The following GALNT2 variants were observed in gnomAD, a reference collection of about 807,000 sequenced individuals.
The protein encoded by GALNT2 is polypeptide N-acetylgalactosaminyltransferase 2.
Under a neutral mutation model 81.4 loss-of-function variants are expected in GALNT2, and 31 were observed. The ratio of observed to expected loss-of-function variants is 0.38; its 90% CI spans 0.29 to 0.51. The LOEUF (loss-of-function observed/expected upper bound fraction) is 0.51, where lower values mean the gene tolerates loss of function less well. GALNT2 is among the 20% of genes least tolerant of loss of function. The probability of loss-of-function intolerance (pLI) is 0.87; values close to 1 mark genes in which losing one functional copy is unlikely to be tolerated. For synonymous variants in GALNT2, 303 were observed against 287.4 expected, an observed-to-expected ratio of 1.05 and a Z score of -0.55; for missense variants, 629 against 765.7, an observed-to-expected ratio of 0.82 and a Z score of 2.11.
At chr1:230,236,485 T>G in intron 5 of GALNT2, 65 bp downstream of exon 5, 2 of 1,544,674 alleles carry the variant, frequency 1.3e-6, no homozygotes, top group African/African-American at 2.7e-5. Flanking sequence ...CTTCCTGTAG[T>G]GGGGGTGCTA....
chr1:230,126,347 G>T (rs549220772), intron 1 of GALNT2, among the ~76,000 whole-genome samples: 2 of 152,330 alleles, frequency 1.3e-5, no homozygotes, highest in African/African-American at 4.8e-5. Flanking sequence ...AGCTGAGAGA[G>T]GGCAGCCATG....
chr1:230,118,334 G>A (rs887686465), intron 1 of GALNT2, among the ~76,000 whole-genome samples: 1 of 152,226 alleles, frequency 6.6e-6, no homozygotes, highest in African/African-American at 2.4e-5. Context: ...TTTTTGTGTG[G>A]ACATAAGTTT....
chr1:230,196,971 T>A (rs1663714820), intron 2 of GALNT2, among the ~76,000 whole-genome samples: 1 of 152,092 alleles, frequency 6.6e-6, no homozygotes, highest in Admixed American at 6.5e-5. Flanking sequence ...ACCTAACTGA[T>A]CATGATATGG....
chr1:230,078,548 C>G (rs1659634376), intron 1 of GALNT2, among the ~76,000 whole-genome samples: 1 of 152,202 alleles, frequency 6.6e-6, no homozygotes, highest in Admixed American at 6.5e-5. Context: ...CACAGTGATT[C>G]TTTTCATAGG....
chr1:230,112,808 A>T (rs1181423054), intron 1 of GALNT2, among the ~76,000 whole-genome samples: 1 of 147,376 alleles, frequency 6.8e-6, no homozygotes, highest in Non-Finnish European at 1.5e-5. Context: ...GGTGGGGGGG[A>T]CCAGGCCTGG....
chr1:230,196,075 C>T (rs1351226921), intron 2 of GALNT2, among the ~76,000 whole-genome samples: 6 of 152,244 alleles, frequency 3.9e-5, no homozygotes, highest in African/African-American at 1.4e-4. Context: ...CACTCATTTA[C>T]TCCAAATATC....
chr1:230,106,449 C>T (rs764875626), intron 1 of GALNT2, among the ~76,000 whole-genome samples: 1 of 152,130 alleles, frequency 6.6e-6, no homozygotes. Flanking sequence ...GCCCACTGAC[C>T]CGGAAACCCA....
At chr1:230,239,769 T>C (rs2102738730) in intron 6 of GALNT2, among the ~76,000 whole-genome samples, 1 of 152,356 alleles carries the variant, frequency 6.6e-6, no homozygotes, top group South Asian at 2.1e-4. Flanking sequence ...TGCCTTCTTT[T>C]GGATTCAGTG....
At chr1:230,091,549 CA>C (rs1558279934) in intron 1 of GALNT2, 1 of 152,118 alleles carries the variant, frequency 6.6e-6, no homozygotes, top group Admixed American at 6.5e-5. Context: ...ATTGATTTTT[CA>C]AAAATCCCAA....
At chr1:230,148,949 C>T (rs935265536) in intron 1 of GALNT2, among the ~76,000 whole-genome samples, 2 of 152,054 alleles carry the variant, frequency 1.3e-5, no homozygotes, top group African/African-American at 4.8e-5. Context: ...GGAGTGATCA[C>T]AGCTCATTGC....
At position 230,281,746 on chromosome 1, in the gene GALNT2, T is replaced by G. The variant is rs1666453825; in HGVS notation, c.*2288T>G. 6.6e-6 allele frequency: 1 copy of G among 152,618 alleles called. No individual in the cohort carries two copies. 9.5% of individuals were successfully genotyped at this position (152,618 alleles called of 1,614,324 possible). On this transcript the variant is annotated 3_prime_UTR_variant, in exon 16 of 16. Transcript: ENST00000366672. ...GCAGGGGTGGGCCGGGGAGGGGTCC[T>G]TTGCGGTGAGCTATGTTTACATGAC... is the stretch of plus-strand genomic sequence containing the variant.
In GALNT2 at chr1:230,271,562, C is replaced by A. The variant is rs991664135; in HGVS notation, c.1441-2883C>A. ...GATGCCAGTCACAAGTCCAAGTTGT[C>A]ACCTGCTGTCTGACTGTAAATCAGG... On this transcript the variant is annotated intron_variant, in intron 14 of 15. Coordinates refer to ENST00000366672, the MANE Select transcript of GALNT2 (RefSeq NM_004481.5). This position sits in a 1 kb window ranked among gnomAD's most constrained non-coding sequence, Gnocchi z 4.2. 2.6e-5 allele frequency among the ~76,000 whole-genome samples: 4 copies of A among 152,240 alleles called. No individual in the cohort carries two copies. The highest frequency in any genetic ancestry group is 5.9e-5 in the Non-Finnish European group (4 of 68,042).
chr1:230,211,261 C>T (rs982959361), intron 3 of GALNT2, among the ~76,000 whole-genome samples: 1 of 152,302 alleles, frequency 6.6e-6, no homozygotes, highest in African/African-American at 2.4e-5. Context: ...ACTCTGTATG[C>T]CGCACCACAG....
Position 230,275,707 on chromosome 1 carries a change from ACAC to A in GALNT2, c.1560+1147_1560+1149del, listed in dbSNP as rs201078328. 0.077 allele frequency among the ~76,000 whole-genome samples: 8,786 copies of A among 113,632 alleles called. 273 individuals carry two copies. The highest frequency in any genetic ancestry group is 0.12 in the Middle Eastern group (24 of 206). The allele number at this position is 113,632 out of a possible 152,430, so 74.5% of individuals were successfully genotyped here. A position where few individuals can be genotyped will look rare whatever the true frequency, so the allele number is the denominator to read the frequency against. On this transcript the variant is annotated intron_variant, in intron 15 of 15. Coordinates refer to ENST00000366672, the MANE Select transcript of GALNT2 (RefSeq NM_004481.5). The surrounding 1 kb of genome is among the most constrained non-coding windows in gnomAD (Gnocchi z 5.5). The stretch of plus-strand genomic sequence containing the variant: ...ATATGTAAACACCACATATATATAC[ACAC>A]CACATATACACACCACATATATATA...
At chr1:230,131,125 T>G (rs987197248) in intron 1 of GALNT2, among the ~76,000 whole-genome samples, 20 of 147,576 alleles carry the variant, frequency 1.4e-4, no homozygotes, top group African/African-American at 4.2e-4. Flanking sequence ...AAAACGTTTG[T>G]TTTTTTTTTA....
chr1:230,224,635 A>G (rs1034765008), intron 3 of GALNT2, among the ~76,000 whole-genome samples: 6 of 152,246 alleles, frequency 3.9e-5, no homozygotes, highest in African/African-American at 1.4e-4. Context: ...CTTCTGTTGG[A>G]GAATACTCAC....
Position 230,193,990 on chromosome 1 carries a change from C to G in GALNT2, c.221-9147C>G, listed in dbSNP as rs1300903406. Among the ~76,000 whole-genome samples the G allele has an allele frequency of 1.3e-5, 2 of 152,224 alleles. No homozygotes were observed. The highest frequency in any genetic ancestry group is 4.8e-5 in the African/African-American group (2 of 41,448). ...CCAGCCACTCTCTGCTCAAGGGACA[C>G]TGTCCTGCTCTCCAGCCTCGATAAG... is the stretch of plus-strand genomic sequence containing the variant. On this transcript the variant is annotated intron_variant, in intron 2 of 15. Coordinates refer to ENST00000366672, the MANE Select transcript of GALNT2 (RefSeq NM_004481.5). The surrounding 1 kb of genome is among the most constrained non-coding windows in gnomAD (Gnocchi z 4.3).
intron 1 of GALNT2, among the ~76,000 whole-genome samples, chr1:230,085,989 C>T (rs2102759727): frequency 6.6e-6 from 1 of 152,304 alleles, no homozygotes; most frequent in South Asian, 2.1e-4. Flanking sequence ...TCTATCAGTG[C>T]CCCTAAGGTG....
chr1:230,145,857 C>T (rs568405490), intron 1 of GALNT2, among the ~76,000 whole-genome samples: 68 of 152,340 alleles, frequency 4.5e-4, no homozygotes, highest in Non-Finnish European at 6.9e-4. Flanking sequence ...GGTAGCATTT[C>T]GGCTTGCTTG....
Sources: allele counts gnomAD v4.1 joint callset (sites outside exome capture counted in the v4.1 genomes callset), GRCh38; gene constraint gnomAD v4.1.1; non-coding constraint Gnocchi (gnomAD v3.1); transcripts MANE v1.5; gene names NCBI Gene and HGNC (gene_info 2026-07-23, HGNC 2026-07-21).